The following EPHB1 variants were observed in gnomAD, a reference collection of about 807,000 sequenced individuals.
EPHB1 encodes EPH receptor B1.
EPHB1 carries 30 observed loss-of-function variants against 94.4 expected under a neutral mutation model. The ratio of observed to expected loss-of-function variants is 0.32; its 90% CI spans 0.24 to 0.43. The LOEUF is 0.43. EPHB1 is among the 20% of genes least tolerant of loss of function. The pLI is 1.00. For synonymous variants in EPHB1, 522 were observed against 489.1 expected (o/e 1.07, Z -0.89); for missense variants, 1,055 against 1,308.3 (o/e 0.81, Z 2.99).
At chr3:135,135,883 T>C (rs544592572) in intron 5 of EPHB1, among the ~76,000 whole-genome samples, 7 of 152,348 alleles carry the variant, frequency 4.6e-5, no homozygotes, top group African/African-American at 1.7e-4. Flanking sequence ...GAGAAATAGA[T>C]GAGTAATAAT....
At chr3:134,821,097 A>G (rs563218328) in intron 1 of EPHB1, among the ~76,000 whole-genome samples, 24 of 152,332 alleles carry the variant, frequency 1.6e-4, no homozygotes, top group African/African-American at 4.8e-4. Flanking sequence ...GGAAGAGCCA[A>G]TGTTTCAGTT....
intron 1 of EPHB1, among the ~76,000 whole-genome samples, chr3:134,919,920 G>A (rs762801178): frequency 2.0e-5 from 3 of 152,036 alleles, no homozygotes; most frequent in African/African-American, 7.3e-5. Context: ...GACGGGGGTG[G>A]TCTCTGCGCT....
At chr3:134,960,878 G>A (rs1933490580) in intron 3 of EPHB1, among the ~76,000 whole-genome samples, 2 of 152,072 alleles carry the variant, frequency 1.3e-5, no homozygotes, top group South Asian at 4.2e-4. Flanking sequence ...GCTTTTCCCT[G>A]GCCTCTGTCT....
chr3:134,829,923 T>C (rs552506023), intron 1 of EPHB1, among the ~76,000 whole-genome samples: 45 of 152,216 alleles, frequency 3.0e-4, no homozygotes, highest in Non-Finnish European at 5.9e-4. Context: ...CATCAGAAGC[T>C]AGAAGAGAGG....
intron 3 of EPHB1, among the ~76,000 whole-genome samples, chr3:135,034,729 C>T (rs1418119962): frequency 6.6e-6 from 1 of 152,254 alleles, no homozygotes; most frequent in East Asian, 1.9e-4. Context: ...CAGAAGCAGG[C>T]ACTTTCTAAG....
At chr3:135,205,732 T>C (rs145290451) in intron 12 of EPHB1, among the ~76,000 whole-genome samples, 1 of 152,328 alleles carries the variant, frequency 6.6e-6, no homozygotes, top group African/African-American at 2.4e-5. Context: ...CATGTAACTA[T>C]CCGTCTATCC....
chr3:135,015,051 C>T (rs1576317768), intron 3 of EPHB1, among the ~76,000 whole-genome samples: 1 of 152,178 alleles, frequency 6.6e-6, no homozygotes, highest in East Asian at 1.9e-4. Context: ...TAGAAACTCC[C>T]GTGTATGGCA....
chr3:135,131,750 T>G (rs147329891), intron 4 of EPHB1, among the ~76,000 whole-genome samples: 1 of 152,328 alleles, frequency 6.6e-6, no homozygotes, highest in East Asian at 1.9e-4. Context: ...TTGTGAAAAG[T>G]AGCCATAAAC....
At chr3:135,193,061 A>G (rs540226851) in intron 11 of EPHB1, among the ~76,000 whole-genome samples, 1 of 152,374 alleles carries the variant, frequency 6.6e-6, no homozygotes, top group South Asian at 2.1e-4. Context: ...GATGAATAAA[A>G]TGAATAGAGA....
chr3:135,031,114 C>G (rs1288035747), intron 3 of EPHB1, among the ~76,000 whole-genome samples: 1 of 152,178 alleles, frequency 6.6e-6, no homozygotes, highest in African/African-American at 2.4e-5. Context: ...CTGACCTGCG[C>G]CCACTGTCTG....
intron 1 of EPHB1, among the ~76,000 whole-genome samples, chr3:134,869,424 G>A (rs2037449949): frequency 6.6e-6 from 1 of 152,190 alleles, no homozygotes; most frequent in Admixed American, 6.5e-5. Context: ...GGGGAATTCA[G>A]TGGGAAATAA....
intron 1 of EPHB1, among the ~76,000 whole-genome samples, chr3:134,853,963 C>T (rs1275871428): frequency 3.3e-5 from 5 of 152,284 alleles, no homozygotes; most frequent in Admixed American, 6.5e-5. Context: ...AATCATCCTT[C>T]GCTGCAACCA....
At chr3:134,923,386 C>T (rs568570087) in intron 1 of EPHB1, among the ~76,000 whole-genome samples, 1 of 152,262 alleles carries the variant, frequency 6.6e-6, no homozygotes, top group East Asian at 1.9e-4. Flanking sequence ...CACACAGGCA[C>T]CTGCTGAGAT....
chr3:135,206,014 T>G (rs1942892324), intron 12 of EPHB1, among the ~76,000 whole-genome samples: 1 of 152,152 alleles, frequency 6.6e-6, no homozygotes, highest in South Asian at 2.1e-4. Context: ...CCCCCTAACC[T>G]CATCCCTCCC....
At chr3:135,099,601 G>C (rs921041623) in intron 3 of EPHB1, among the ~76,000 whole-genome samples, 2 of 152,194 alleles carry the variant, frequency 1.3e-5, no homozygotes, top group Non-Finnish European at 2.9e-5. Context: ...CACCAGGCCT[G>C]AAATTTCAGA....
intron 3 of EPHB1, among the ~76,000 whole-genome samples, chr3:135,009,925 C>G (rs1438991520): frequency 6.6e-6 from 1 of 152,096 alleles, no homozygotes; most frequent in Admixed American, 6.5e-5. Flanking sequence ...TACAAAAGTA[C>G]AAATTTTAAA....
intron 12 of EPHB1, among the ~76,000 whole-genome samples, chr3:135,237,465 T>A (rs1943683767): frequency 6.6e-6 from 1 of 152,140 alleles, no homozygotes; most frequent in Non-Finnish European, 1.5e-5. Context: ...TGAAGGGAAC[T>A]CAGACCCCTA....
intron 3 of EPHB1, among the ~76,000 whole-genome samples, chr3:135,060,362 C>T (rs561754310): frequency 6.6e-6 from 1 of 152,270 alleles, no homozygotes; most frequent in East Asian, 1.9e-4. Flanking sequence ...GTACTTTATT[C>T]CTTTCTGTGA....
intron 3 of EPHB1, among the ~76,000 whole-genome samples, chr3:134,953,642 G>T (rs1933127611): frequency 6.6e-6 from 1 of 152,208 alleles, no homozygotes; most frequent in Non-Finnish European, 1.5e-5. Flanking sequence ...GATTTCTTTG[G>T]TTTTCAGAGG....
Sources: gnomAD v4.1 joint callset for allele counts (sites outside exome capture counted in the v4.1 genomes callset) on GRCh38, gnomAD v4.1.1 for gene constraint, MANE v1.5 for transcripts, NCBI Gene and HGNC (gene_info 2026-07-23, HGNC 2026-07-21) for gene names.